Variants in LRMDA observed in about 807,000 individuals in gnomAD.
The protein encoded by LRMDA is leucine rich melanocyte differentiation associated, also known as leucine-rich melanocyte differentiation-associated protein.
Under a neutral mutation model 29.8 loss-of-function variants are expected in LRMDA, and 18 were observed. The observed-to-expected ratio is 0.60, with a 90% confidence interval of 0.42 to 0.90. The LOEUF (loss-of-function observed/expected upper bound fraction) is 0.90, where lower values mean the gene tolerates loss of function less well. LRMDA is among the 40% of genes least tolerant of loss of function. The pLI is 0.00. For synonymous variants in LRMDA, 125 were observed against 109.4 expected, an observed-to-expected ratio of 1.14 and a Z score of -0.89; for missense variants, 273 against 273.9, an observed-to-expected ratio of 1.00 and a Z score of 0.02.
At chr10:76,422,803 C>T (rs543296469) in intron 6 of LRMDA, among the ~76,000 whole-genome samples, 1 of 152,294 alleles carries the variant, frequency 6.6e-6, no homozygotes, top group South Asian at 2.1e-4. Flanking sequence ...GCATCTACCC[C>T]TACACATACA....
intron 2 of LRMDA, among the ~76,000 whole-genome samples, chr10:75,773,720 C>G (rs1255224385): frequency 6.6e-6 from 1 of 152,168 alleles, no homozygotes; most frequent in Non-Finnish European, 1.5e-5. Flanking sequence ...TGTCAGTTCC[C>G]TCTGGCCTTC....
At chr10:75,873,939 G>A (rs1393997610) in intron 2 of LRMDA, among the ~76,000 whole-genome samples, 1 of 152,136 alleles carries the variant, frequency 6.6e-6, no homozygotes, top group African/African-American at 2.4e-5. Flanking sequence ...CAAATGATGT[G>A]CTACTTCTTA....
At chr10:75,984,930 T>C (rs567238564) in intron 2 of LRMDA, among the ~76,000 whole-genome samples, 25 of 152,316 alleles carry the variant, frequency 1.6e-4, no homozygotes, top group Non-Finnish European at 5.9e-5. Context: ...GAAAACCTGA[T>C]GCATTATAGT....
chr10:75,691,114 A>G (rs1188292012), intron 2 of LRMDA, among the ~76,000 whole-genome samples: 6 of 81,746 alleles, frequency 7.3e-5, no homozygotes, highest in Non-Finnish European at 1.1e-4. Context: ...ATAGATCTAT[A>G]TATCTATATA....
intron 2 of LRMDA, among the ~76,000 whole-genome samples, chr10:75,492,906 C>T (rs1461978600): frequency 6.6e-6 from 1 of 152,158 alleles, no homozygotes; most frequent in Non-Finnish European, 1.5e-5. Flanking sequence ...CACTTTAATA[C>T]ATTTAAAAGC....
chr10:76,060,360 G>C (rs1438457298), intron 5 of LRMDA, among the ~76,000 whole-genome samples: 1 of 152,174 alleles, frequency 6.6e-6, no homozygotes, highest in East Asian at 1.9e-4. Context: ...TCTGGATGGG[G>C]CACTCAGTGC....
rs1004193852 is a variant in LRMDA at position 76,218,837 on chromosome 10, C to A, written c.517-105564C>A. 2.6e-5 allele frequency among the ~76,000 whole-genome samples: 4 copies of A among 152,306 alleles called. No individual in the cohort carries two copies. In the East Asian group the frequency reaches 5.8e-4, roughly 22 times the overall value. On this transcript the variant is annotated intron_variant, in intron 5 of 6. Coordinates refer to ENST00000611255, the MANE Select transcript of LRMDA (RefSeq NM_001305581.2). ...CTCTGGGGAAATTGTTGTTTCTAAC[C>A]TGATAGGGTTCCTTTCTTGTGGGTT...
chr10:76,333,766 G>A (rs1281536620), intron 6 of LRMDA, among the ~76,000 whole-genome samples: 3 of 152,322 alleles, frequency 2.0e-5, no homozygotes, highest in Non-Finnish European at 4.4e-5. Context: ...GGCCTGGAGT[G>A]GCTGGCTGGC....
intron 2 of LRMDA, among the ~76,000 whole-genome samples, chr10:75,801,065 C>T (rs1843737285): frequency 6.6e-6 from 1 of 152,170 alleles, no homozygotes; most frequent in African/African-American, 2.4e-5. Context: ...AAAATATTTA[C>T]CAAGCGCCTT....
At chr10:75,996,496 A>G (rs1847464610) in intron 2 of LRMDA, among the ~76,000 whole-genome samples, 1 of 152,222 alleles carries the variant, frequency 6.6e-6, no homozygotes, top group African/African-American at 2.4e-5. Flanking sequence ...ATCTACTTGT[A>G]TAAGATGCTG....
intron 6 of LRMDA, among the ~76,000 whole-genome samples, chr10:76,361,495 G>A (rs1320133926): frequency 5.3e-5 from 8 of 152,100 alleles, no homozygotes. Context: ...TATTTGTGCT[G>A]GATCGACCCC....
chr10:76,332,813 G>T (rs936483856), intron 6 of LRMDA, among the ~76,000 whole-genome samples: 3 of 152,158 alleles, frequency 2.0e-5, no homozygotes, highest in Non-Finnish European at 4.4e-5. Flanking sequence ...AGTACCTATT[G>T]TGTACTGAGT....
intron 5 of LRMDA, among the ~76,000 whole-genome samples, chr10:76,066,517 A>G (rs60966153): frequency 0.011 from 1,731 of 152,162 alleles, 37 homozygotes; most frequent in East Asian, 0.081. Context: ...TTTCCCCTCT[A>G]TGCCTTGAAT....
chr10:75,792,106 C>T (rs1383178934), intron 2 of LRMDA, among the ~76,000 whole-genome samples: 1 of 151,890 alleles, frequency 6.6e-6, no homozygotes, highest in Admixed American at 6.6e-5. Context: ...TGATCCCCCG[C>T]CTCGGCCTCT....
chr10:75,579,990 C>T (rs1840565795), intron 2 of LRMDA, among the ~76,000 whole-genome samples: 2 of 152,234 alleles, frequency 1.3e-5, no homozygotes, highest in Non-Finnish European at 2.9e-5. Context: ...AAGCCGCAAG[C>T]ATTCCCTTTC....
intron 5 of LRMDA, among the ~76,000 whole-genome samples, chr10:76,277,094 G>T (rs1489801344): frequency 6.6e-6 from 1 of 152,094 alleles, no homozygotes; most frequent in Non-Finnish European, 1.5e-5. Context: ...CTCTCACTCT[G>T]GGATTCCCTC....
chr10:75,524,170 T>C (rs1375147546), intron 2 of LRMDA, among the ~76,000 whole-genome samples: 1 of 152,154 alleles, frequency 6.6e-6, no homozygotes, highest in East Asian at 1.9e-4. Context: ...TGAACGACTT[T>C]ATAGTGGGAG....
chr10:76,476,954 G>C (rs1331409715), intron 6 of LRMDA, among the ~76,000 whole-genome samples: 1 of 152,044 alleles, frequency 6.6e-6, no homozygotes. Flanking sequence ...ATACTGAATG[G>C]GCAAAAACTG....
At chr10:75,714,503 A>G (rs920267361) in intron 2 of LRMDA, among the ~76,000 whole-genome samples, 1 of 152,236 alleles carries the variant, frequency 6.6e-6, no homozygotes, top group Non-Finnish European at 1.5e-5. Flanking sequence ...AATTAAGTTT[A>G]CTAAAGCTGG....
Sources: allele counts gnomAD v4.1 joint callset (sites outside exome capture counted in the v4.1 genomes callset), GRCh38; gene constraint gnomAD v4.1.1; transcripts MANE v1.5; gene names NCBI Gene and HGNC (gene_info 2026-07-23, HGNC 2026-07-21).